The following PRKAG2 variants were observed in gnomAD, a reference collection of about 807,000 sequenced individuals.
PRKAG2 encodes protein kinase AMP-activated non-catalytic subunit gamma 2, also known as 5'-AMP-activated protein kinase subunit gamma-2.
PRKAG2 carries 26 observed loss-of-function variants against 69.6 expected under a neutral mutation model. The ratio of observed to expected loss-of-function variants is 0.37; its 90% CI spans 0.27 to 0.52. The LOEUF (loss-of-function observed/expected upper bound fraction) is 0.52, where lower values mean the gene tolerates loss of function less well. PRKAG2 is among the 20% of genes least tolerant of loss of function. The pLI, the probability that PRKAG2 is intolerant of heterozygous loss-of-function variation, is 0.90. For missense variants in PRKAG2, 557 were observed against 740.0 expected (o/e 0.75, Z 2.87); for synonymous variants, 293 against 285.0 (o/e 1.03, Z -0.28).
chr7:151,736,231 C>T, intron 3 of PRKAG2: 1 of 1,380,860 alleles, frequency 7.2e-7, no homozygotes, highest in South Asian at 1.6e-5. Flanking sequence ...GGGAGTGGAG[C>T]CGTCCTGACG....
At chr7:151,752,804 G>T (rs1474419696) in intron 3 of PRKAG2, among the ~76,000 whole-genome samples, 1 of 152,236 alleles carries the variant, frequency 6.6e-6, no homozygotes, top group Non-Finnish European at 1.5e-5. Context: ...GCAAGTGAAA[G>T]TTTGATGAGA....
intron 14 of PRKAG2, among the ~76,000 whole-genome samples, chr7:151,562,465 TTAATAATAATAA>T (rs137999193): frequency 6.7e-6 from 1 of 149,510 alleles, no homozygotes; most frequent in African/African-American, 2.5e-5. Context: ...TTGCTTTAGG[TTAATAATAATAA>T]TAATAATAAT....
At chr7:151,640,563 T>G (rs886640955) in intron 4 of PRKAG2, among the ~76,000 whole-genome samples, 3 of 152,134 alleles carry the variant, frequency 2.0e-5, no homozygotes, top group African/African-American at 7.2e-5. Context: ...CCTCCTTTCC[T>G]TGGCCAGTTC....
intron 3 of PRKAG2, among the ~76,000 whole-genome samples, chr7:151,737,366 T>C (rs1358657969): frequency 7.1e-6 from 1 of 141,784 alleles, no homozygotes; most frequent in African/African-American, 2.8e-5. Context: ...AAGAGAGATT[T>C]AGCCTAGTTC....
chr7:151,824,016 G>A (rs548580123), intron 1 of PRKAG2, among the ~76,000 whole-genome samples: 1 of 152,184 alleles, frequency 6.6e-6, no homozygotes, highest in African/African-American at 2.4e-5. Context: ...GAGGCCCCCA[G>A]TTATTCTTGG....
intron 1 of PRKAG2, among the ~76,000 whole-genome samples, chr7:151,849,249 A>G (rs2079513518): frequency 6.6e-6 from 1 of 152,194 alleles, no homozygotes; most frequent in African/African-American, 2.4e-5. Flanking sequence ...CGTGCTTTGG[A>G]GAAAGTTTCT....
In PRKAG2 at chr7:151,699,304, T is replaced by C. The variant is rs1283329343; in HGVS notation, c.467-23667A>G. 1.3e-5 allele frequency among the ~76,000 whole-genome samples: 2 copies of C among 152,224 alleles called. No individual in the cohort carries two copies. Among genetic ancestry groups the C allele is most frequent in the African/African-American group, 2.4e-5 (1 of 41,456 alleles). ...CCTCCCTCCCTGCGGTCAGGCTGCC[T>C]GCAGGCCTAGTCCCAGCAGATCTCC... On this transcript the variant is annotated intron_variant, in intron 3 of 15. Coordinates refer to ENST00000287878, the MANE Select transcript of PRKAG2 (RefSeq NM_016203.4). This position sits in a 1 kb window ranked among gnomAD's most constrained non-coding sequence, Gnocchi z 4.5.
intron 1 of PRKAG2, among the ~76,000 whole-genome samples, chr7:151,787,105 T>A (rs2077047971): frequency 6.6e-6 from 1 of 152,236 alleles, no homozygotes; most frequent in Non-Finnish European, 1.5e-5. Flanking sequence ...TTCTTCCTCT[T>A]GAATCTTGCC....
intron 1 of PRKAG2, among the ~76,000 whole-genome samples, chr7:151,811,038 C>T (rs1432617236): frequency 2.0e-5 from 3 of 152,148 alleles, no homozygotes; most frequent in African/African-American, 7.2e-5. Context: ...GGCAGAACCA[C>T]CAGCTAGGAC....
intron 2 of PRKAG2, among the ~76,000 whole-genome samples, chr7:151,783,973 G>A (rs939200763): frequency 2.0e-5 from 3 of 151,244 alleles, no homozygotes; most frequent in African/African-American, 7.3e-5. Flanking sequence ...TGCTGTGTGT[G>A]CAGGTCTAGG....
chr7:151,837,850 G>GC (rs2079180979), intron 1 of PRKAG2, among the ~76,000 whole-genome samples: 7 of 152,068 alleles, frequency 4.6e-5, no homozygotes, highest in Admixed American at 3.9e-4. Flanking sequence ...CAGAGTTCCC[G>GC]CCCCCTGCAA....
At chr7:151,776,352 G>A (rs1419433495) in intron 3 of PRKAG2, among the ~76,000 whole-genome samples, 2 of 152,216 alleles carry the variant, frequency 1.3e-5, no homozygotes, top group African/African-American at 4.8e-5. Context: ...TAACCGGGCT[G>A]TAACAGGCTC....
Position 151,614,892 on chromosome 7 carries a change from C to T in PRKAG2, c.754+17177G>A, listed in dbSNP as rs999692300. 1.3e-5 allele frequency among the ~76,000 whole-genome samples: 2 copies of T among 152,232 alleles called. No individual in the cohort carries two copies. The highest frequency in any genetic ancestry group is 2.9e-5 in the Non-Finnish European group (2 of 68,042). On this transcript the variant is annotated intron_variant, in intron 5 of 15. Transcript: ENST00000287878. This position sits in a 1 kb window ranked among gnomAD's most constrained non-coding sequence, Gnocchi z 4.4. ...CTGGAACAAAAGAGCCTCAAAGGGGCCATGTGGATCCAGAGGGAACCTCGA... is the reference window on the plus strand; with the variant it reads ...CTGGAACAAAAGAGCCTCAAAGGGGTCATGTGGATCCAGAGGGAACCTCGA...
Position 151,831,876 on chromosome 7 carries a change from A to G in PRKAG2, c.114+44631T>C, listed in dbSNP as rs118068740. On this transcript the variant is annotated intron_variant, in intron 1 of 15. Transcript: ENST00000287878. ...GATCAGAGGCCGCTAGGGAGGTGAC[A>G]GAGTGGGGAGCAGAGGACACTTCCC... Among the ~76,000 whole-genome samples, 421 of 152,236 alleles carry G rather than the reference A, an allele frequency of 2.8e-3. 1 individual carries two copies. The highest frequency in any genetic ancestry group is 4.8e-3 in the Non-Finnish European group (325 of 68,000).
chr7:151,669,755 T>TGTGCACACACCTGCAC (rs1831558428), intron 4 of PRKAG2, among the ~76,000 whole-genome samples: 1 of 150,830 alleles, frequency 6.6e-6, no homozygotes, highest in Non-Finnish European at 1.5e-5. Flanking sequence ...CACACCTGCA[T>TGTGCACACACCTGCAC]GCACACACAC....
rs1388822026 is a variant in PRKAG2 at position 151,782,416 on chromosome 7, GGAAGGAAGGAAA to G, written c.187-997_187-986del. 2.0e-3 allele frequency among the ~76,000 whole-genome samples: 288 copies of G among 147,118 alleles called. 5 individuals carry two copies. The highest frequency in any genetic ancestry group is 1.8e-3 in the Non-Finnish European group (117 of 66,606). ...AGGAAGGAAGGAAGGAAGGAAGGAAGGAAGGAAGGAAAGAAAGAAGGAAAGAAGGAAGTTAAC... is the reference window on the plus strand; with the variant it reads ...AGGAAGGAAGGAAGGAAGGAAGGAAGGAAAGAAGGAAAGAAGGAAGTTAAC... On this transcript the variant is annotated intron_variant, in intron 2 of 15. Transcript: ENST00000287878.
Position 151,595,225 on chromosome 7 carries a change from G to T in PRKAG2, c.864+120C>A, listed in dbSNP as rs780521301. Reference sequence around the variant, plus strand: ...AGAATTCAGATAAAACCTCAGCACAGTGCCCGATAGTGCAAAGGACTCAAT... The same window carrying T: ...AGAATTCAGATAAAACCTCAGCACATTGCCCGATAGTGCAAAGGACTCAAT... On this transcript the variant is annotated intron_variant, in intron 6 of 15. Coordinates refer to ENST00000287878, the MANE Select transcript of PRKAG2 (RefSeq NM_016203.4). The T allele has an allele frequency of 1.9e-5, 14 of 724,870 alleles. No individual in the cohort carries two copies. The African/African-American group carries it at 2.4e-4, about 13-fold the overall frequency. The allele number at this position is 724,870 out of a possible 1,614,324, so 44.9% of individuals were successfully genotyped here. A position where few individuals can be genotyped will look rare whatever the true frequency, so the allele number is the denominator to read the frequency against.
intron 6 of PRKAG2, among the ~76,000 whole-genome samples, chr7:151,589,131 C>T (rs544698842): frequency 2.0e-5 from 3 of 152,236 alleles, no homozygotes; most frequent in Non-Finnish European, 2.9e-5. Context: ...CTCCCGTCAG[C>T]GGCTAGCAGG....
intron 1 of PRKAG2, among the ~76,000 whole-genome samples, chr7:151,875,311 TTAGG>T (rs2080360195): frequency 6.6e-6 from 1 of 152,098 alleles, no homozygotes; most frequent in African/African-American, 2.4e-5. Context: ...CACCCAAGCG[TTAGG>T]CACGTGTGGG....
Sources: allele counts gnomAD v4.1 joint callset (sites outside exome capture counted in the v4.1 genomes callset), GRCh38; gene constraint gnomAD v4.1.1; non-coding constraint Gnocchi (gnomAD v3.1); transcripts MANE v1.5; gene names NCBI Gene and HGNC (gene_info 2026-07-23, HGNC 2026-07-21).